Variants in KREMEN1 observed in about 807,000 individuals in gnomAD.
KREMEN1 encodes the protein kringle containing transmembrane protein 1.
Under a neutral mutation model 46.5 loss-of-function variants are expected in KREMEN1, and 30 were observed. The observed-to-expected ratio is 0.65, with a 90% CI of 0.48 to 0.88. The LOEUF is 0.88. Among genes scored for constraint, KREMEN1 ranks in the 40% least tolerant of loss-of-function variants. The pLI is 0.00. For synonymous variants in KREMEN1, 214 were observed against 230.6 expected (o/e 0.93, Z 0.65); for missense variants, 533 against 596.9 (o/e 0.89, Z 1.11).
Position 29,142,276 on chromosome 22 carries a change from G to A in KREMEN1, c.*164G>A, listed in dbSNP as rs1184140668. 6 of 1,329,970 alleles carry A rather than the reference G, an allele frequency of 4.5e-6. No homozygotes were observed. Among genetic ancestry groups the A allele is most frequent in the Non-Finnish European group, 5.7e-6 (6 of 1,045,182 alleles). The allele number at this position is 1,329,970 out of a possible 1,614,324, so 82.4% of individuals were successfully genotyped here. On this transcript the variant is annotated 3_prime_UTR_variant, in exon 9 of 9. Coordinates refer to ENST00000400335, the MANE Select transcript of KREMEN1 (RefSeq NM_001039570.3). ...ACAGACTAGGAAGAGGCACCCTGCT[G>A]CCAGGGCAGGCAGAGCCTGGATTCC...
chr22:29,142,721 G>A lies in KREMEN1; in HGVS notation c.*609G>A. 1 of 985,466 alleles carries A rather than the reference G, an allele frequency of 1.0e-6. No individual in the cohort carries two copies. The highest frequency in any genetic ancestry group is 6.1e-5 in the Admixed American group (1 of 16,284). The allele number at this position is 985,466 out of a possible 1,614,324, so 61.0% of individuals were successfully genotyped here. ...GACTAGGGTGGGCCTCCTTCAGCCT[G>A]GGAGGGTCTGAGAATAAGATCTAGT... On this transcript the variant is annotated 3_prime_UTR_variant, in exon 9 of 9. Transcript: ENST00000400335.
At chr22:29,163,387 G>GT (rs1029206248) in intron 9 of KREMEN1, among the ~76,000 whole-genome samples, 7 of 151,954 alleles carry the variant, frequency 4.6e-5, no homozygotes, top group Non-Finnish European at 8.8e-5. Context: ...TTCTTGTTTT[G>GT]TTTTTTTGAG....
intron 1 of KREMEN1, among the ~76,000 whole-genome samples, chr22:29,086,294 G>A (rs148247962): frequency 1.4e-4 from 22 of 152,300 alleles, no homozygotes; most frequent in African/African-American, 5.3e-4. Context: ...TGTCTGAGTG[G>A]TTTGTTCAAA....
intron 3 of KREMEN1, among the ~76,000 whole-genome samples, chr22:29,107,110 G>A (rs115604873): frequency 0.017 from 2,615 of 152,054 alleles, 77 homozygotes; most frequent in African/African-American, 0.06. Context: ...AAAACAGTTC[G>A]TCAGCAGCTT....
At chr22:29,092,925 A>C (rs1490471036) in intron 1 of KREMEN1, among the ~76,000 whole-genome samples, 1 of 152,340 alleles carries the variant, frequency 6.6e-6, no homozygotes, top group Non-Finnish European at 1.5e-5. Context: ...TGGTGAGCCA[A>C]GATTGCAACA....
In KREMEN1 at chr22:29,140,183, G is replaced by GC. The variant is rs1044032267; in HGVS notation, c.1124-95dup. The stretch of plus-strand genomic sequence containing the variant: ...GCCCTCCCACACCGGCCTGCAGGGA[G>GC]CCCCTCAGCCAGACTTACTCACTTG... On this transcript the variant is annotated intron_variant, in intron 7 of 8. Coordinates refer to ENST00000400335, the MANE Select transcript of KREMEN1 (RefSeq NM_001039570.3). 6.2e-5 allele frequency: 54 copies of GC among 865,730 alleles called. 1 individual carries two copies. The Middle Eastern group carries it at 3.4e-3, about 54-fold the overall frequency. 53.6% of individuals were successfully genotyped at this position (865,730 alleles called of 1,614,324 possible).
chr22:29,109,724 G>C (rs931809135), intron 3 of KREMEN1, among the ~76,000 whole-genome samples: 1 of 152,252 alleles, frequency 6.6e-6, no homozygotes, highest in Non-Finnish European at 1.5e-5. Context: ...GTCATTTACA[G>C]GACGGATCAA....
At chr22:29,103,843 A>G (rs2038010496) in intron 3 of KREMEN1, among the ~76,000 whole-genome samples, 1 of 152,176 alleles carries the variant, frequency 6.6e-6, no homozygotes, top group Non-Finnish European at 1.5e-5. Flanking sequence ...GTCCTTTAAA[A>G]TTACAGATAC....
At chr22:29,094,572 T>TAC (rs134658) in intron 2 of KREMEN1, 152 bp downstream of exon 2, 4,554 of 255,606 alleles carry the variant, frequency 0.018, 76 homozygotes, top group East Asian at 0.049. Flanking sequence ...TTTCACACCT[T>TAC]ACACACACAC....
At chr22:29,123,511 T>C (rs2038391998) in intron 4 of KREMEN1, among the ~76,000 whole-genome samples, 1 of 152,062 alleles carries the variant, frequency 6.6e-6, no homozygotes, top group South Asian at 2.1e-4. Flanking sequence ...AAGATAGTCA[T>C]CTGGGCGTGG....
At chr22:29,098,255 A>G (rs951286404) in intron 2 of KREMEN1, among the ~76,000 whole-genome samples, 1 of 152,050 alleles carries the variant, frequency 6.6e-6, no homozygotes, top group African/African-American at 2.4e-5. Flanking sequence ...TCTATACCAC[A>G]TATTCCCTTC....
chr22:29,125,165 A>G, intron 4 of KREMEN1, 98 bp from the exon 5 acceptor site: 1 of 1,393,564 alleles, frequency 7.2e-7, no homozygotes, highest in South Asian at 1.3e-5. Context: ...TGGGAAGTTG[A>G]GGCTGATTGC....
downstream of KREMEN1, among the ~76,000 whole-genome samples, chr22:29,151,749 C>T (rs1027348530): frequency 2.0e-5 from 3 of 152,110 alleles, no homozygotes; most frequent in Non-Finnish European, 4.4e-5. Context: ...ATGTCTCATG[C>T]CTGTAATCTC....
At chr22:29,086,539 C>A (rs1369410072) in intron 1 of KREMEN1, among the ~76,000 whole-genome samples, 1 of 152,170 alleles carries the variant, frequency 6.6e-6, no homozygotes, top group Non-Finnish European at 1.5e-5. Context: ...AGGCTGGGAA[C>A]CCCTGCCTTC....
intron 3 of KREMEN1, 66 bp from the exon 4 acceptor site, chr22:29,121,291 G>T: frequency 6.3e-7 from 1 of 1,589,858 alleles, no homozygotes; most frequent in South Asian, 1.1e-5. Context: ...GGCACAAATC[G>T]CTTTTCCTTC....
chr22:29,076,045 C>T (rs959860299), intron 1 of KREMEN1, among the ~76,000 whole-genome samples: 1 of 152,130 alleles, frequency 6.6e-6, no homozygotes, highest in Non-Finnish European at 1.5e-5. Context: ...GTAATGGAAT[C>T]TAGACTTTCC....
chr22:29,074,920 A>C (rs1179242248), intron 1 of KREMEN1, among the ~76,000 whole-genome samples: 1 of 152,192 alleles, frequency 6.6e-6, no homozygotes, highest in African/African-American at 2.4e-5. Context: ...GAGTCAATAA[A>C]CATATTTTAA....
chr22:29,151,728 G>A (rs143542082), downstream of KREMEN1, among the ~76,000 whole-genome samples: 1,925 of 152,138 alleles, frequency 0.013, 46 homozygotes, highest in African/African-American at 0.044. Context: ...TGTAAAAACC[G>A]GCCAGGCATG....
At chr22:29,098,771 TA>T in intron 2 of KREMEN1, 90 bp from the exon 3 acceptor site, 2 of 960,672 alleles carry the variant, frequency 2.1e-6, no homozygotes, top group Non-Finnish European at 3.4e-6. Context: ...ATACAGAAGC[TA>T]AAGCATTTCC....
Sources: allele counts gnomAD v4.1 joint callset (sites outside exome capture counted in the v4.1 genomes callset), GRCh38; gene constraint gnomAD v4.1.1; transcripts MANE v1.5; gene names NCBI Gene and HGNC (gene_info 2026-07-23, HGNC 2026-07-21).